The following VRK2 variants were observed in gnomAD, a reference collection of about 807,000 sequenced individuals.
VRK2 encodes VRK serine/threonine kinase 2.
In VRK2, 60 loss-of-function variants were observed where a neutral mutation model predicts 57.6. The ratio of observed to expected loss-of-function variants is 1.04; its 90% CI spans 0.85 to 1.29. The LOEUF (loss-of-function observed/expected upper bound fraction) is 1.29, where lower values mean the gene tolerates loss of function less well. VRK2 is among the 50% of genes most tolerant of loss of function. VRK2 has a pLI of 0.00. For synonymous variants in VRK2, 231 were observed against 199.2 expected (o/e 1.16, Z -1.35); for missense variants, 705 against 588.1 (o/e 1.20, Z -2.06).
At chr2:58,066,776 C>T (rs962193918) in intron 2 of VRK2, among the ~76,000 whole-genome samples, 5 of 152,076 alleles carry the variant, frequency 3.3e-5, no homozygotes, top group Non-Finnish European at 2.9e-5. Context: ...TAGGACTAAT[C>T]TGGTTATTTG....
chr2:57,969,673 A>G (rs900637767), intron 1 of VRK2, among the ~76,000 whole-genome samples: 1 of 152,142 alleles, frequency 6.6e-6, no homozygotes, highest in Admixed American at 6.6e-5. Flanking sequence ...GAAATACTAA[A>G]TATCAAATCA....
chr2:58,035,443 T>A (rs1410806205), intron 3 of VRK2, among the ~76,000 whole-genome samples: 2 of 151,990 alleles, frequency 1.3e-5, no homozygotes, highest in Admixed American at 1.3e-4. Context: ...ATTATGTACA[T>A]TAAAAACTCA....
chr2:58,101,053 G>A (rs540425510), intron 7 of VRK2, among the ~76,000 whole-genome samples: 1 of 150,490 alleles, frequency 6.6e-6, no homozygotes, highest in South Asian at 2.1e-4. Flanking sequence ...TGGGCTACTA[G>A]AGTCTTATTA....
intron 7 of VRK2, among the ~76,000 whole-genome samples, chr2:58,097,845 T>C (rs560305650): frequency 3.3e-5 from 5 of 152,164 alleles, no homozygotes; most frequent in Non-Finnish European, 7.4e-5. Context: ...CTAGTTTATA[T>C]GTTTATTTAT....
intron 1 of VRK2, among the ~76,000 whole-genome samples, chr2:57,979,243 T>C (rs1378682026): frequency 6.6e-6 from 1 of 151,188 alleles, no homozygotes; most frequent in Non-Finnish European, 1.5e-5. Context: ...ATTACCATAC[T>C]GTCTTCCACA....
chr2:57,985,148 CTTAAT>C (rs1672556805), intron 1 of VRK2, among the ~76,000 whole-genome samples: 2 of 152,018 alleles, frequency 1.3e-5, no homozygotes, highest in South Asian at 2.1e-4. Context: ...TTGGGTAAAA[CTTAAT>C]TTAATAGTTA....
At chr2:57,985,992 C>G (rs887190459) in intron 1 of VRK2, among the ~76,000 whole-genome samples, 4 of 151,876 alleles carry the variant, frequency 2.6e-5, no homozygotes, top group Admixed American at 6.6e-5. Flanking sequence ...AATTACAAAA[C>G]CAATGGTAGG....
chr2:58,072,073 C>T (rs1669431285), intron 2 of VRK2, among the ~76,000 whole-genome samples: 1 of 151,808 alleles, frequency 6.6e-6, no homozygotes, highest in African/African-American at 2.4e-5. Flanking sequence ...ATTCCAGTTG[C>T]TCATTGATGT....
At chr2:58,029,262 C>A (rs548576755) in intron 2 of VRK2, among the ~76,000 whole-genome samples, 9 of 151,956 alleles carry the variant, frequency 5.9e-5, no homozygotes, top group Non-Finnish European at 8.8e-5. Flanking sequence ...GAAGGATCAA[C>A]ATAATTTGCA....
intron 1 of VRK2, among the ~76,000 whole-genome samples, chr2:57,930,156 T>C (rs1216922151): frequency 6.6e-6 from 1 of 152,190 alleles, no homozygotes; most frequent in Non-Finnish European, 1.5e-5. Context: ...GCAGACCTTG[T>C]GGCCTACATG....
chr2:58,144,857 G>T (rs1681879685), intron 11 of VRK2, among the ~76,000 whole-genome samples: 1 of 151,898 alleles, frequency 6.6e-6, no homozygotes, highest in Admixed American at 6.6e-5. Context: ...AGAATAGAGT[G>T]GTGTTGTGAC....
intron 2 of VRK2, chr2:58,033,208 C>T (rs1674168999): frequency 6.6e-6 from 1 of 152,010 alleles, no homozygotes; most frequent in African/African-American, 2.4e-5. Context: ...GTTGACACTC[C>T]TTTCTTTCTC....
At chr2:58,100,138 C>G (rs112839941) in intron 7 of VRK2, among the ~76,000 whole-genome samples, 7 of 151,884 alleles carry the variant, frequency 4.6e-5, no homozygotes, top group Admixed American at 2.0e-4. Context: ...GGTCATAAGC[C>G]TCATTAAATC....
chr2:58,110,841 T>C (rs535202440), intron 7 of VRK2, among the ~76,000 whole-genome samples: 35 of 152,294 alleles, frequency 2.3e-4, no homozygotes, highest in Middle Eastern at 3.4e-3. Flanking sequence ...ACTCCCGACA[T>C]TGGGGAGCTC....
chr2:58,136,809 A>ATATATCATATATAT (rs1680106209), intron 10 of VRK2, among the ~76,000 whole-genome samples: 16 of 142,726 alleles, frequency 1.1e-4, no homozygotes, highest in African/African-American at 3.9e-4. Flanking sequence ...ATATGTGTAT[A>ATATATCATATATAT]TATATCATAT....
At position 58,066,059 on chromosome 2, in the gene VRK2, A is replaced by G. The variant is rs930287312; in HGVS notation, c.136+17092A>G. ...ACGTACACAATCACATCATCTGGAG[A>G]TAGGGACACCTTCCTTTCCAAATGT... On this transcript the variant is annotated intron_variant, in intron 2 of 12. Transcript: ENST00000340157. 3.3e-5 allele frequency among the ~76,000 whole-genome samples: 5 copies of G among 152,108 alleles called. No individual in the cohort carries two copies. In the East Asian group the frequency reaches 9.6e-4, roughly 29 times the overall value.
intron 11 of VRK2, among the ~76,000 whole-genome samples, chr2:58,143,613 C>T (rs983813331): frequency 1.3e-5 from 2 of 151,822 alleles, no homozygotes; most frequent in Admixed American, 6.6e-5. Flanking sequence ...TTTGCTTATA[C>T]GTCAGAGGCT....
At chr2:57,970,094 A>G (rs963240359) in intron 1 of VRK2, among the ~76,000 whole-genome samples, 6 of 149,858 alleles carry the variant, frequency 4.0e-5, no homozygotes, top group Non-Finnish European at 7.4e-5. Flanking sequence ...ATGTATATAT[A>G]TATTTATATT....
intron 3 of VRK2, among the ~76,000 whole-genome samples, chr2:58,035,009 T>A (rs557683469): frequency 6.6e-6 from 1 of 152,130 alleles, no homozygotes; most frequent in Admixed American, 6.6e-5. Flanking sequence ...TTAGCCCTAA[T>A]ACCTCCAAAT....
Sources: gnomAD v4.1 joint callset for allele counts (sites outside exome capture counted in the v4.1 genomes callset) on GRCh38, gnomAD v4.1.1 for gene constraint, MANE v1.5 for transcripts, NCBI Gene and HGNC (gene_info 2026-07-23, HGNC 2026-07-21) for gene names.